OTUD3: variants seen among roughly 807,000 people sequenced by gnomAD.
OTUD3 encodes the protein OTU deubiquitinase 3, also known as OTU domain-containing protein 3.
Under a neutral mutation model 46.2 loss-of-function variants are expected in OTUD3, and 24 were observed. The ratio of observed to expected loss-of-function variants is 0.52; its 90% CI spans 0.38 to 0.73. The LOEUF (loss-of-function observed/expected upper bound fraction) is 0.73. Among genes scored for constraint, OTUD3 ranks in the 30% least tolerant of loss-of-function variants. OTUD3 has a pLI of 0.00. For missense variants in OTUD3, 455 were observed against 523.3 expected (o/e 0.87, Z 1.27); for synonymous variants, 189 against 195.4 (o/e 0.97, Z 0.27).
At chr1:19,890,860 C>G (rs1050054903) in intron 2 of OTUD3, among the ~76,000 whole-genome samples, 1 of 152,148 alleles carries the variant, frequency 6.6e-6, no homozygotes, top group Admixed American at 6.5e-5. Context: ...TATACAGACA[C>G]AGTAGGAAAA....
In OTUD3 at chr1:19,904,385, C is replaced by T. The variant is rs1364728150; in HGVS notation, c.725C>T (p.Ala242Val). ...GATGCTGTCCAGAAAGTTTGTAATGCAACTGGATGTTCAGTTAGTATTTCT... is the reference window on the plus strand; with the variant it reads ...GATGCTGTCCAGAAAGTTTGTAATGTAACTGGATGTTCAGTTAGTATTTCT... Reference protein sequence around the residue: ...VEDAVQKVCNATGCSDFNLIV... With the variant: ...VEDAVQKVCNVTGCSDFNLIV... Residue 242 changes from alanine (A) to valine (V), a missense_variant, in exon 5 of 8, where the codon GCA becomes GTA. Transcript: ENST00000375120. 1.2e-6 allele frequency: 2 copies of T among 1,611,336 alleles called. No individual in the cohort carries two copies. Among genetic ancestry groups the T allele is most frequent in the Admixed American group, 3.4e-5 (2 of 59,384 alleles).
chr1:19,909,293 G>C lies in OTUD3; in HGVS notation c.*1547G>C, dbSNP rs1413856063. 1.3e-5 allele frequency: 2 copies of C among 152,262 alleles called. No homozygotes were observed. The highest frequency in any genetic ancestry group is 2.9e-5 in the Non-Finnish European group (2 of 68,060). The allele number at this position is 152,262 out of a possible 1,614,324, so 9.4% of individuals were successfully genotyped here. On this transcript the variant is annotated 3_prime_UTR_variant, in exon 8 of 8. Transcript: ENST00000375120. ...TTTGGTTTTGTTTTTGACTTTGGTGGCTTTTTGTAGTTGGAGCATCAGTAG... is the reference window on the plus strand; with the variant it reads ...TTTGGTTTTGTTTTTGACTTTGGTGCCTTTTTGTAGTTGGAGCATCAGTAG...
chr1:19,888,467 GT>G (rs1472114430), intron 1 of OTUD3, among the ~76,000 whole-genome samples: 2 of 152,194 alleles, frequency 1.3e-5, no homozygotes, highest in Non-Finnish European at 2.9e-5. Context: ...ATTTTGGCTT[GT>G]TTTGGGTGAG....
intron 4 of OTUD3, among the ~76,000 whole-genome samples, chr1:19,903,900 C>G (rs181367002): frequency 1.3e-5 from 2 of 152,288 alleles, no homozygotes; most frequent in Admixed American, 1.3e-4. Flanking sequence ...CAAAAGTTCA[C>G]CAGGTGCGAG....
At chr1:19,892,549 T>G (rs1013324244) in intron 2 of OTUD3, among the ~76,000 whole-genome samples, 5 of 152,194 alleles carry the variant, frequency 3.3e-5, no homozygotes, top group Non-Finnish European at 5.9e-5. Context: ...AGACTGTGGC[T>G]TCAGAGAATC....
chr1:19,907,756 C>T lies in OTUD3; in HGVS notation c.*10C>T. On this transcript the variant is annotated 3_prime_UTR_variant, in exon 8 of 8. Transcript: ENST00000375120. ...CGCTCTCAACATCTGACTCTTTGGC[C>T]TCTTGGGAGTTGTAAGAAGCGGCTG... is the stretch of plus-strand genomic sequence containing the variant. 1 of 1,612,590 alleles carries T rather than the reference C, an allele frequency of 6.2e-7. No homozygotes were observed. Among genetic ancestry groups the T allele is most frequent in the Non-Finnish European group, 8.5e-7 (1 of 1,178,774 alleles).
In OTUD3 at chr1:19,904,938, T is replaced by A; in HGVS notation, c.786T>A (p.Ile262=). ...VQNLEAENYN[I]ESAIIAVLRM... is the part of the protein sequence containing the mutation. ...ACCTGGAAGCTGAAAATTATAATAT[T>A]GAATCTGCAATAATTGCCGTGCTTC... is the stretch of plus-strand genomic sequence containing the variant. Residue 262 remains isoleucine (I), a synonymous_variant, in exon 6 of 8, where the codon ATT becomes ATA. Transcript: ENST00000375120. 6.3e-7 allele frequency: 1 copy of A among 1,598,664 alleles called. No homozygotes were observed. Among genetic ancestry groups the A allele is most frequent in the African/African-American group, 1.3e-5 (1 of 74,732 alleles).
chr1:19,894,684 A>G (rs2045493346), intron 3 of OTUD3, among the ~76,000 whole-genome samples: 1 of 152,180 alleles, frequency 6.6e-6, no homozygotes, highest in Admixed American at 6.5e-5. Flanking sequence ...ATAATTTAGA[A>G]ATCTTTTAAA....
intron 4 of OTUD3, chr1:19,897,914 A>G (rs2045538323): frequency 3.7e-6 from 1 of 269,390 alleles, no homozygotes; most frequent in Admixed American, 5.3e-5. Context: ...TGGAATTTTA[A>G]AATTATTTTT....
chr1:19,886,867 A>T (rs1179630783), intron 1 of OTUD3, among the ~76,000 whole-genome samples: 1 of 152,214 alleles, frequency 6.6e-6, no homozygotes, highest in Admixed American at 6.5e-5. Context: ...GTCCGGGAAC[A>T]CACTTTGAGA....
intron 4 of OTUD3, among the ~76,000 whole-genome samples, chr1:19,903,515 G>A (rs1457225804): frequency 1.3e-5 from 2 of 152,108 alleles, no homozygotes; most frequent in Non-Finnish European, 2.9e-5. Context: ...CATTGCTGGA[G>A]TCCACTATAT....
At chr1:19,884,196 A>C (rs966854992) in intron 1 of OTUD3, among the ~76,000 whole-genome samples, 4 of 152,188 alleles carry the variant, frequency 2.6e-5, no homozygotes, top group Non-Finnish European at 4.4e-5. Flanking sequence ...TTTCCTTGCA[A>C]ATGATTGGAT....
At chr1:19,902,260 A>G (rs779502193) in intron 4 of OTUD3, among the ~76,000 whole-genome samples, 1 of 152,146 alleles carries the variant, frequency 6.6e-6, no homozygotes, top group Non-Finnish European at 1.5e-5. Flanking sequence ...GCTGGAGTGC[A>G]GCGGCACGAT....
At chr1:19,892,541 A>G (rs1000494449) in intron 2 of OTUD3, among the ~76,000 whole-genome samples, 6 of 152,138 alleles carry the variant, frequency 3.9e-5, no homozygotes, top group African/African-American at 1.4e-4. Context: ...TTTCTTTTAG[A>G]CTGTGGCTTC....
chr1:19,890,048 C>T (rs1416368633), intron 1 of OTUD3, among the ~76,000 whole-genome samples: 1 of 152,180 alleles, frequency 6.6e-6, no homozygotes, highest in African/African-American at 2.4e-5. Flanking sequence ...ATGGAATGGC[C>T]TATAAGGTCT....
chr1:19,894,610 A>G, intron 3 of OTUD3, 130 bp downstream of exon 3: 1 of 557,220 alleles, frequency 1.8e-6, no homozygotes, highest in South Asian at 2.7e-5. Flanking sequence ...AGCCTAACCA[A>G]AGACAAAAAT....
At chr1:19,885,591 T>G (rs1186512613) in intron 1 of OTUD3, among the ~76,000 whole-genome samples, 3 of 152,156 alleles carry the variant, frequency 2.0e-5, no homozygotes, top group Non-Finnish European at 2.9e-5. Context: ...GTAGCTGGGA[T>G]TACAGGCACC....
chr1:19,882,537 G>T lies in OTUD3; in HGVS notation c.24G>T (p.Lys8Asn). 1 of 1,344,854 alleles carries T rather than the reference G, an allele frequency of 7.4e-7. No homozygotes were observed. Among genetic ancestry groups the T allele is most frequent in the Non-Finnish European group, 9.5e-7 (1 of 1,056,550 alleles). The allele number at this position is 1,344,854 out of a possible 1,614,324, so 83.3% of individuals were successfully genotyped here. Residue 8 changes from lysine to asparagine, a missense_variant, in exon 1 of 8, where the codon AAG becomes AAT. Coordinates refer to ENST00000375120, the MANE Select transcript of OTUD3 (RefSeq NM_015207.2). The stretch of plus-strand genomic sequence containing the variant: ...CCATGTCCCGAAAGCAGGCGGCGAA[G>T]AGCCGGCCGGGCAGCGGCAGCCGGA... MSRKQAAKSRPGSGSRKA... is the reference protein window; with the variant it reads MSRKQAANSRPGSGSRKA...
intron 1 of OTUD3, among the ~76,000 whole-genome samples, chr1:19,888,813 C>T (rs1238052567): frequency 2.6e-5 from 4 of 152,116 alleles, no homozygotes; most frequent in Non-Finnish European, 5.9e-5. Flanking sequence ...TCTTGGCATA[C>T]GTTTGTGTGT....
Sources: gnomAD v4.1 joint callset for allele counts (sites outside exome capture counted in the v4.1 genomes callset) on GRCh38, gnomAD v4.1.1 for gene constraint, MANE v1.5 for transcripts, NCBI Gene and HGNC (gene_info 2026-07-23, HGNC 2026-07-21) for gene names.